IKZF3: variants seen among roughly 807,000 people sequenced by gnomAD.
IKZF3 encodes the protein IKAROS family zinc finger 3, also known as zinc finger protein Aiolos.
IKZF3 carries 10 observed loss-of-function variants against 49.0 expected under a neutral mutation model. That is an observed-to-expected ratio of 0.20 (90% confidence interval 0.13 to 0.35). IKZF3 has a LOEUF of 0.35. Among genes scored for constraint, IKZF3 ranks in the 10% least tolerant of loss-of-function variants. The pLI is 1.00. For missense variants in IKZF3, 498 were observed against 664.8 expected (o/e 0.75, Z 2.76); for synonymous variants, 209 against 228.2 (o/e 0.92, Z 0.76).
At chr17:39,767,473 A>G (rs1292879845) in intron 7 of IKZF3, among the ~76,000 whole-genome samples, 1 of 152,044 alleles carries the variant, frequency 6.6e-6, no homozygotes, top group African/African-American at 2.4e-5. Context: ...GAGGAAGTGG[A>G]GCCGAGTGCT....
At chr17:39,822,033 G>A (rs1173726533) in intron 3 of IKZF3, among the ~76,000 whole-genome samples, 1 of 152,184 alleles carries the variant, frequency 6.6e-6, no homozygotes, top group Non-Finnish European at 1.5e-5. Flanking sequence ...CAGACACAGA[G>A]CAGGTCATTC....
intron 3 of IKZF3, among the ~76,000 whole-genome samples, chr17:39,811,337 AAGAAAGGGAAAGAAAGAC>A (rs921503806): frequency 1.3e-5 from 2 of 150,852 alleles, no homozygotes; most frequent in African/African-American, 4.9e-5. Context: ...GAAAGAAAGA[AAGAAAGGGAAAGAAAGAC>A]AGAAAGGGAA....
chr17:39,860,138 G>A (rs1341881362), intron 1 of IKZF3, among the ~76,000 whole-genome samples: 1 of 152,080 alleles, frequency 6.6e-6, no homozygotes, highest in Non-Finnish European at 1.5e-5. Context: ...TTATGGTGGT[G>A]GATGCCTGTA....
intron 1 of IKZF3, among the ~76,000 whole-genome samples, chr17:39,838,396 C>T (rs1345580046): frequency 6.6e-6 from 1 of 152,118 alleles, no homozygotes; most frequent in African/African-American, 2.4e-5. Flanking sequence ...TCTTAATTTG[C>T]TGTTAAGCCT....
chr17:39,825,024 A>G (rs2061921182), intron 3 of IKZF3, among the ~76,000 whole-genome samples: 1 of 152,122 alleles, frequency 6.6e-6, no homozygotes, highest in Non-Finnish European at 1.5e-5. Context: ...AGTGTCTGGC[A>G]TTTCCCTGCT....
intron 1 of IKZF3, among the ~76,000 whole-genome samples, chr17:39,851,538 G>C (rs1415312937): frequency 2.0e-5 from 3 of 152,066 alleles, no homozygotes; most frequent in African/African-American, 4.8e-5. Context: ...AAAATCTATT[G>C]AGGAAAAGAA....
At chr17:39,849,030 G>C (rs535860351) in intron 1 of IKZF3, among the ~76,000 whole-genome samples, 131 of 152,250 alleles carry the variant, frequency 8.6e-4, no homozygotes, top group African/African-American at 3.0e-3. Flanking sequence ...CAAAAAAGAA[G>C]CTGATAAATT....
intron 3 of IKZF3, among the ~76,000 whole-genome samples, chr17:39,810,533 C>T (rs932227718): frequency 6.6e-6 from 1 of 151,368 alleles, no homozygotes; most frequent in African/African-American, 2.4e-5. Context: ...TTCCATTTCA[C>T]TACCCCCATG....
intron 3 of IKZF3, among the ~76,000 whole-genome samples, chr17:39,808,343 T>TA (rs1390371308): frequency 1.3e-5 from 2 of 152,190 alleles, no homozygotes; most frequent in East Asian, 1.9e-4. Flanking sequence ...AAAGGAAGGT[T>TA]AAAAAATCAA....
intron 3 of IKZF3, among the ~76,000 whole-genome samples, chr17:39,795,895 A>ATATAGAAAATTAGC (rs2061149324): frequency 6.6e-6 from 1 of 151,602 alleles, no homozygotes; most frequent in African/African-American, 2.4e-5. Context: ...TCCACTAAAA[A>ATATAGAAAATTAGC]TATAGAAAAT....
chr17:39,808,746 G>T (rs1215108548), intron 3 of IKZF3, among the ~76,000 whole-genome samples: 2 of 152,174 alleles, frequency 1.3e-5, no homozygotes, highest in Non-Finnish European at 2.9e-5. Context: ...GAGAGAGAGA[G>T]AACTAGTACA....
intron 1 of IKZF3, among the ~76,000 whole-genome samples, chr17:39,856,011 C>A (rs1056431089): frequency 2.1e-5 from 3 of 143,044 alleles, no homozygotes; most frequent in Admixed American, 6.8e-5. Flanking sequence ...TACAATATAA[C>A]ATGTATATTG....
intron 3 of IKZF3, among the ~76,000 whole-genome samples, chr17:39,816,915 T>C (rs1317497581): frequency 6.6e-6 from 1 of 152,214 alleles, no homozygotes; most frequent in Non-Finnish European, 1.5e-5. Context: ...GGTTTCACCA[T>C]GTTGGCCAGG....
intron 7 of IKZF3, among the ~76,000 whole-genome samples, chr17:39,776,399 A>AT (rs2060590319): frequency 1.3e-5 from 2 of 152,200 alleles, no homozygotes; most frequent in Admixed American, 1.3e-4. Flanking sequence ...TAAACTCACC[A>AT]TTTGTTTACT....
intron 1 of IKZF3, among the ~76,000 whole-genome samples, chr17:39,862,187 CA>C: frequency 6.6e-6 from 1 of 152,046 alleles, no homozygotes; most frequent in East Asian, 1.9e-4. Context: ...ATTTCTATTT[CA>C]AAAGCTTATT....
intron 3 of IKZF3, among the ~76,000 whole-genome samples, chr17:39,819,174 T>C (rs2061745542): frequency 6.6e-6 from 1 of 152,270 alleles, no homozygotes; most frequent in Non-Finnish European, 1.5e-5. Flanking sequence ...TTCTTGTTTA[T>C]GTTTGAGTAT....
chr17:39,852,201 C>T (rs2062897137), intron 1 of IKZF3, among the ~76,000 whole-genome samples: 1 of 152,104 alleles, frequency 6.6e-6, no homozygotes, highest in South Asian at 2.1e-4. Context: ...AACACAAAAC[C>T]TCTCTTAATC....
intron 1 of IKZF3, among the ~76,000 whole-genome samples, chr17:39,858,024 G>A (rs1228865293): frequency 6.6e-6 from 1 of 151,300 alleles, no homozygotes; most frequent in African/African-American, 2.4e-5. Context: ...AGTCTAGAAG[G>A]GGCTATAGGT....
intron 3 of IKZF3, among the ~76,000 whole-genome samples, chr17:39,804,535 GAGA>G (rs1006214132): frequency 5.1e-4 from 77 of 152,128 alleles, no homozygotes; most frequent in African/African-American, 1.9e-3. Context: ...AGGCCAGGCA[GAGA>G]AGAAGTAGTA....
Sources: gnomAD v4.1 joint callset for allele counts (sites outside exome capture counted in the v4.1 genomes callset) on GRCh38, gnomAD v4.1.1 for gene constraint, MANE v1.5 for transcripts, NCBI Gene and HGNC (gene_info 2026-07-23, HGNC 2026-07-21) for gene names.